Variants in AK7 observed in about 807,000 individuals in gnomAD.
AK7 encodes the protein ATP-AMP transphosphorylase 7.
AK7 carries 78 observed loss-of-function variants against 96.6 expected under a neutral mutation model. The observed-to-expected ratio is 0.81, with a 90% CI of 0.67 to 0.97. The LOEUF (loss-of-function observed/expected upper bound fraction) is 0.97, where lower values mean the gene tolerates loss of function less well. AK7 is among the 50% of genes least tolerant of loss of function. The pLI is 0.00. For missense variants in AK7, 855 were observed against 887.9 expected (o/e 0.96, Z 0.47); for synonymous variants, 302 against 317.2 (o/e 0.95, Z 0.51).
At chr14:96,468,298 T>C (rs1214470446) in intron 12 of AK7, among the ~76,000 whole-genome samples, 8 of 99,136 alleles carry the variant, frequency 8.1e-5, no homozygotes, top group Non-Finnish European at 1.7e-4. Context: ...ACTCTTTCCT[T>C]TTTTTTTTTT....
In AK7 at chr14:96,457,453, C is replaced by G. The variant is rs187489021; in HGVS notation, c.1228-630C>G. Among the ~76,000 whole-genome samples the G allele has an allele frequency of 6.7e-4, 102 of 152,244 alleles. 1 individual carries two copies. The highest frequency in any genetic ancestry group is 1.9e-4 in the Non-Finnish European group (13 of 68,018). On this transcript the variant is annotated intron_variant, in intron 11 of 17. Coordinates refer to ENST00000267584, the MANE Select transcript of AK7 (RefSeq NM_152327.5). ...TAAACAAGCAACTAATTTTGTATGT[C>G]AGTAAACAGGAGATTTGTTATTTTA...
intron 2 of AK7, among the ~76,000 whole-genome samples, chr14:96,400,108 G>T (rs1324513832): frequency 3.5e-5 from 5 of 141,318 alleles, no homozygotes; most frequent in African/African-American, 1.3e-4. Context: ...GCGCGATCTC[G>T]GCTTACTGCA....
At chr14:96,450,338 C>T (rs1017844438) in intron 9 of AK7, among the ~76,000 whole-genome samples, 1 of 151,608 alleles carries the variant, frequency 6.6e-6, no homozygotes, top group South Asian at 2.1e-4. Flanking sequence ...ATCGCTTGAA[C>T]CCGGGAGGCA....
rs11361139 is a variant in AK7, at chr14:96,488,824, CTTT to C, written c.*498_*500del. 4.3e-4 allele frequency: 55 copies of C among 127,750 alleles called. No homozygotes were observed. Among genetic ancestry groups the C allele is most frequent in the Non-Finnish European group, 4.8e-4 (29 of 60,254 alleles). The allele number at this position is 127,750 out of a possible 1,614,324, so 7.9% of individuals were successfully genotyped here. A position where few individuals can be genotyped will look rare whatever the true frequency, so the allele number is the denominator to read the frequency against. Reference sequence around the variant, plus strand: ...GACAAGATTGGTGCCTGTAAGGTGGCTTTTTTTTTTTTTTTTTTTAAATGAAGC... The same window carrying C: ...GACAAGATTGGTGCCTGTAAGGTGGCTTTTTTTTTTTTTTTTAAATGAAGC... On this transcript the variant is annotated 3_prime_UTR_variant, in exon 18 of 18. Coordinates refer to ENST00000267584, the MANE Select transcript of AK7 (RefSeq NM_152327.5).
At chr14:96,440,356 C>T (rs1892898197) in intron 6 of AK7, among the ~76,000 whole-genome samples, 2 of 152,182 alleles carry the variant, frequency 1.3e-5, no homozygotes, top group African/African-American at 4.8e-5. Context: ...CCATTCTCAG[C>T]TACTTCTCAC....
Position 96,456,488 on chromosome 14 carries a change from A to G in AK7, c.1227+13A>G. 1 of 1,611,452 alleles carries G rather than the reference A, an allele frequency of 6.2e-7. No individual in the cohort carries two copies. Among genetic ancestry groups the G allele is most frequent in the Non-Finnish European group, 8.5e-7 (1 of 1,178,354 alleles). ...CATAGCAAAACTGGTAACACTTTAA[A>G]CTATTTTCCTGGGCATTTTAATTAA... On this transcript the variant is annotated intron_variant, in intron 11 of 17. Transcript: ENST00000267584.
chr14:96,452,283 T>C (rs1168322940), intron 10 of AK7, among the ~76,000 whole-genome samples: 1 of 152,130 alleles, frequency 6.6e-6, no homozygotes, highest in Admixed American at 6.6e-5. Context: ...CTTATCTATA[T>C]AGTATAGATT....
At chr14:96,397,441 G>T (rs1476219595) in intron 1 of AK7, among the ~76,000 whole-genome samples, 1 of 152,044 alleles carries the variant, frequency 6.6e-6, no homozygotes, top group Non-Finnish European at 1.5e-5. Context: ...TAGAGACGAG[G>T]TTTCACCATG....
At chr14:96,456,132 G>C (rs936251140) in intron 10 of AK7, among the ~76,000 whole-genome samples, 2 of 151,250 alleles carry the variant, frequency 1.3e-5, no homozygotes, top group African/African-American at 4.9e-5. Context: ...TCAGCTACTC[G>C]GGAGGCTGAG....
rs371239182 is a variant in AK7, at chr14:96,398,024, C to T, written c.106-51C>T. 2.3e-3 allele frequency: 3,558 copies of T among 1,566,406 alleles called. 9 individuals are homozygous for T. Among genetic ancestry groups the T allele is most frequent in the Non-Finnish European group, 2.9e-3 (3,338 of 1,148,574 alleles). ...TTTCTAGAATCATCATTCACTGGCCCCCTGACTCTAATTTTCTCTTACCAT... is the reference window on the plus strand; with the variant it reads ...TTTCTAGAATCATCATTCACTGGCCTCCTGACTCTAATTTTCTCTTACCAT... On this transcript the variant is annotated intron_variant, in intron 1 of 17. Transcript: ENST00000267584.
intron 7 of AK7, among the ~76,000 whole-genome samples, 192 bp from the exon 8 acceptor site, chr14:96,446,325 G>A (rs946243513): frequency 6.6e-5 from 10 of 152,158 alleles, no homozygotes; most frequent in East Asian, 1.9e-4. Flanking sequence ...AAATGTCACC[G>A]AACCCTTTAG....
intron 10 of AK7, among the ~76,000 whole-genome samples, chr14:96,453,915 G>A (rs765833092): frequency 6.6e-6 from 1 of 152,022 alleles, no homozygotes; most frequent in African/African-American, 2.4e-5. Flanking sequence ...CTCTCCAGGG[G>A]CCCAGCCCTG....
At chr14:96,428,477 C>A (rs1253496383) in intron 5 of AK7, among the ~76,000 whole-genome samples, 3 of 152,016 alleles carry the variant, frequency 2.0e-5, no homozygotes, top group African/African-American at 7.3e-5. Context: ...GGGTATATAC[C>A]CAGTAATGGA....
At chr14:96,459,647 A>G (rs1894145352) in intron 12 of AK7, among the ~76,000 whole-genome samples, 1 of 151,910 alleles carries the variant, frequency 6.6e-6, no homozygotes, top group East Asian at 1.9e-4. Context: ...TTCGTGATCT[A>G]GGAGGGTGGA....
At chr14:96,416,486 A>G (rs1248740756) in intron 4 of AK7, among the ~76,000 whole-genome samples, 2 of 152,172 alleles carry the variant, frequency 1.3e-5, no homozygotes, top group East Asian at 3.9e-4. Context: ...TCTGTAGACT[A>G]TGTTCTTTAC....
intron 1 of AK7, among the ~76,000 whole-genome samples, chr14:96,393,277 C>T (rs963322320): frequency 2.6e-5 from 4 of 152,222 alleles, no homozygotes; most frequent in African/African-American, 9.6e-5. Context: ...CCTGGACAGA[C>T]TTCTCTGAGG....
intron 2 of AK7, among the ~76,000 whole-genome samples, chr14:96,403,687 G>A (rs1890544232): frequency 6.6e-6 from 1 of 152,180 alleles, no homozygotes; most frequent in South Asian, 2.1e-4. Context: ...AGTTGGTCAA[G>A]GAACTGCGGA....
intron 16 of AK7, 34 bp from the exon 17 acceptor site, chr14:96,486,864 C>T (rs746962203): frequency 1.9e-6 from 3 of 1,589,210 alleles, no homozygotes; most frequent in Admixed American, 1.7e-5. Flanking sequence ...TTTCTCACTA[C>T]ACATTTACTT....
At chr14:96,394,651 C>T (rs756744981) in intron 1 of AK7, among the ~76,000 whole-genome samples, 62 of 152,128 alleles carry the variant, frequency 4.1e-4, no homozygotes, top group East Asian at 1.2e-3. Flanking sequence ...CCTTGAACAA[C>T]GCAGGGGTTA....
Sources: gnomAD v4.1 joint callset for allele counts (sites outside exome capture counted in the v4.1 genomes callset) on GRCh38, gnomAD v4.1.1 for gene constraint, MANE v1.5 for transcripts, NCBI Gene and HGNC (gene_info 2026-07-23, HGNC 2026-07-21) for gene names.